LILRA4: variants seen among roughly 807,000 people sequenced by gnomAD.
LILRA4 encodes the protein leukocyte immunoglobulin-like receptor subfamily A member 4.
In LILRA4, 51 loss-of-function variants were observed where a neutral mutation model predicts 49.5. The ratio of observed to expected loss-of-function variants is 1.03; its 90% CI spans 0.82 to 1.30. The LOEUF (loss-of-function observed/expected upper bound fraction) is 1.30. Among genes scored for constraint, LILRA4 ranks in the 50% most tolerant of loss-of-function variants. The pLI, the probability that LILRA4 is intolerant of heterozygous loss-of-function variation, is 0.00. For missense variants in LILRA4, 624 were observed against 625.6 expected (o/e 1.00, Z 0.03); for synonymous variants, 272 against 265.6 (o/e 1.02, Z -0.23).
At position 54,338,464 on chromosome 19, in the gene LILRA4, T is replaced by C. The variant is rs768409360; in HGVS notation, c.287A>G (p.Tyr96Cys). Residue 96 changes from tyrosine (Y) to cysteine (C), a missense_variant, in exon 3 of 8, where the codon TAT becomes TGT. Transcript: ENST00000291759. ...PSMMWEHAGR[Y>C]HCYYQSPAGW... Reference sequence around the variant, plus strand: ...TGCAGGGCTCTGATAGTAACAGTGATATCGCCCTGCATGTTCCCACATCAT... The same window carrying C: ...TGCAGGGCTCTGATAGTAACAGTGACATCGCCCTGCATGTTCCCACATCAT... The C allele has an allele frequency of 1.9e-6, 3 of 1,614,166 alleles. No individual in the cohort carries two copies. Among genetic ancestry groups the C allele is most frequent in the Admixed American group, 3.3e-5 (2 of 60,026 alleles).
Position 54,337,058 on chromosome 19 carries a change from T to G in LILRA4, c.1038A>C (p.Ser346=). ...SGEKVTLLCQ[S]WDPMFTFLLT... is the part of the protein sequence containing the mutation. Reference sequence around the variant, plus strand: ...GAAGGAAAGTGAACATCGGGTCCCATGACTGACACAGCAGGGTCACCTTCT... The same window carrying G: ...GAAGGAAAGTGAACATCGGGTCCCAGGACTGACACAGCAGGGTCACCTTCT... The change falls in exon 6 of 8, where the codon TCA becomes TCC. Residue 346 remains serine (S), a synonymous_variant. Transcript: ENST00000291759. The G allele has an allele frequency of 6.2e-7, 1 of 1,614,000 alleles. No individual in the cohort carries two copies. Among genetic ancestry groups the G allele is most frequent in the Non-Finnish European group, 8.5e-7 (1 of 1,179,954 alleles).
In LILRA4 at chr19:54,337,547, G is replaced by A. The variant is rs771406919; in HGVS notation, c.805C>T (p.Arg269Trp). The A allele has an allele frequency of 1.1e-5, 18 of 1,613,150 alleles. No individual in the cohort carries two copies. The highest frequency in any genetic ancestry group is 6.7e-5 in the East Asian group (3 of 44,884). The stretch of plus-strand genomic sequence containing the variant: ...TGGGAGAGCCCAGCCTGGGGCTGCC[G>A]GCCAGGGCGCTGGGGGAGGCCATCG... Reference protein sequence around the residue: ...GADGLPQRPGRQPQAGLSQAN... With the variant: ...GADGLPQRPGWQPQAGLSQAN... Residue 269 changes from arginine to tryptophan, a missense_variant, in exon 5 of 8, where the codon CGG becomes TGG. Physicochemically the swap from Arg to Trp is moderately radical, Grantham distance 101. Transcript: ENST00000291759.
At position 54,338,497 on chromosome 19, in the gene LILRA4, A is replaced by T. The variant is rs2081357478; in HGVS notation, c.254T>A (p.Ile85Asn). Residue 85 changes from isoleucine (I) to asparagine (N), a missense_variant, in exon 3 of 8, where the codon ATC becomes AAC. Coordinates refer to ENST00000291759, the MANE Select transcript of LILRA4 (RefSeq NM_012276.5). ...LESENKVKLS[I>N]PSMMWEHAGR... is the part of the protein sequence containing the mutation. The stretch of plus-strand genomic sequence containing the variant: ...TGCATGTTCCCACATCATGGATGGG[A>T]TGGAGAGTTTGACCTTGTTTTCAGA... 2 of 1,614,116 alleles carry T rather than the reference A, an allele frequency of 1.2e-6. No homozygotes were observed. The highest frequency in any genetic ancestry group is 8.5e-7 in the Non-Finnish European group (1 of 1,179,994).
At chr19:54,335,998 G>A (rs926365885) in intron 6 of LILRA4, 3 of 151,926 alleles carry the variant, frequency 2.0e-5, no homozygotes, top group African/African-American at 7.3e-5. Context: ...ATAAACATCA[G>A]CCCCAGCATC....
chr19:54,337,386 G>T lies in LILRA4; in HGVS notation c.952+14C>A, dbSNP rs375423203. Reference sequence around the variant, plus strand: ...AGCCTGGGTCCCCCTGACTGAACCCGCTGGGCTCCTCACCTGCGATCAGGA... The same window carrying T: ...AGCCTGGGTCCCCCTGACTGAACCCTCTGGGCTCCTCACCTGCGATCAGGA... On this transcript the variant is annotated intron_variant, in intron 5 of 7. Transcript: ENST00000291759. 13 of 1,610,222 alleles carry T rather than the reference G, an allele frequency of 8.1e-6. No homozygotes were observed. The highest frequency in any genetic ancestry group is 5.5e-5 in the South Asian group (5 of 90,934).
chr19:54,336,818 G>A (rs2081327649), intron 6 of LILRA4, 23 bp downstream of exon 6: 1 of 1,613,130 alleles, frequency 6.2e-7, no homozygotes, highest in East Asian at 2.2e-5. Context: ...TGAGCTCAGA[G>A]TGGACAGGGT....
At position 54,333,497 on chromosome 19, in the gene LILRA4, T is replaced by C; in HGVS notation, c.*75A>G. On this transcript the variant is annotated 3_prime_UTR_variant, in exon 8 of 8. Coordinates refer to ENST00000291759, the MANE Select transcript of LILRA4 (RefSeq NM_012276.5). ...CAGACATCTTCCTGCACCTGACCCA[T>C]GCTTCTTCCCCTTGATATTCTCAGC... 6.9e-7 allele frequency: 1 copy of C among 1,448,356 alleles called. No individual in the cohort carries two copies. The highest frequency in any genetic ancestry group is 9.6e-7 in the Non-Finnish European group (1 of 1,036,962). 89.7% of individuals were successfully genotyped at this position (1,448,356 alleles called of 1,614,324 possible).
intron 6 of LILRA4, chr19:54,336,577 G>T: frequency 1.7e-6 from 1 of 605,486 alleles, no homozygotes; most frequent in Non-Finnish European, 2.8e-6. Context: ...TCGGTGGGAG[G>T]TTCCCATGTA....
rs2081298115 is a variant in LILRA4, at chr19:54,333,960, T to G, written c.1261A>C (p.Thr421Pro). The change falls in exon 7 of 8, where the codon ACT (threonine) becomes CCT (proline). Residue 421 changes from threonine to proline, a missense_variant. Transcript: ENST00000291759. ...TTTTGTGCTGGATTGAGGGTCTCAG[T>G]TGCTCCTAAGAATCAAAGAATAAGG... The part of the protein sequence containing the change: ...EPLELVVSGA[T>P]ETLNPAQKKS... 6.2e-7 allele frequency: 1 copy of G among 1,613,902 alleles called. No homozygotes were observed. Among genetic ancestry groups the G allele is most frequent in the Middle Eastern group, 1.6e-4 (1 of 6,062 alleles).
At chr19:54,336,709 A>G in intron 6 of LILRA4, 132 bp downstream of exon 6, 4 of 1,388,700 alleles carry the variant, frequency 2.9e-6, no homozygotes, top group Non-Finnish European at 2.9e-6. Context: ...CAGGGCTCAC[A>G]AAGGCCGGGG....
intron 6 of LILRA4, chr19:54,335,900 A>G (rs2081318378): frequency 6.6e-6 from 1 of 152,228 alleles, no homozygotes; most frequent in Non-Finnish European, 1.5e-5. Flanking sequence ...TATATATGTA[A>G]CTACGTATAT....
chr19:54,335,094 T>C (rs1309107297), intron 6 of LILRA4: 1 of 152,210 alleles, frequency 6.6e-6, no homozygotes, highest in Admixed American at 6.5e-5. Flanking sequence ...TGTCTATATA[T>C]GTACATAGCA....
rs1469048318 is a variant in LILRA4 at position 54,333,210 on chromosome 19, T to G, written c.*362A>C. On this transcript the variant is annotated 3_prime_UTR_variant, in exon 8 of 8. Coordinates refer to ENST00000291759, the MANE Select transcript of LILRA4 (RefSeq NM_012276.5). ...TGATTTTTGCCCATGGATTTAATTA[T>G]CAAAAGCAAATTCCATGTTATGAGC... 8.4e-6 allele frequency: 2 copies of G among 236,824 alleles called. No homozygotes were observed. Among genetic ancestry groups the G allele is most frequent in the Non-Finnish European group, 1.6e-5 (2 of 124,838 alleles). The allele number at this position is 236,824 out of a possible 1,614,324, so 14.7% of individuals were successfully genotyped here.
rs779120853 is a variant in LILRA4, at chr19:54,337,529, G to T, written c.823C>A (p.Leu275Ile). The T allele has an allele frequency of 1.2e-6, 2 of 1,613,070 alleles. No individual in the cohort carries two copies. Among genetic ancestry groups the T allele is most frequent in the Non-Finnish European group, 1.7e-6 (2 of 1,179,894 alleles). Reference protein sequence around the residue: ...QRPGRQPQAGLSQANFTLSPV... With the variant: ...QRPGRQPQAGISQANFTLSPV... ...CTCAGGGTGAAGTTGGCCTGGGAGAGCCCAGCCTGGGGCTGCCGGCCAGGG... is the reference window on the plus strand; with the variant it reads ...CTCAGGGTGAAGTTGGCCTGGGAGATCCCAGCCTGGGGCTGCCGGCCAGGG... Residue 275 changes from leucine to isoleucine, a missense_variant, in exon 5 of 8, where the codon CTC becomes ATC. Transcript: ENST00000291759.
chr19:54,333,802 G>A (rs762536213), intron 7 of LILRA4, 37 bp from the exon 8 acceptor site: 2 of 1,613,412 alleles, frequency 1.2e-6, no homozygotes, highest in South Asian at 2.2e-5. Flanking sequence ...AGAGGTCAGG[G>A]CAGATCACAA....
chr19:54,338,986 T>C (rs1443416214), intron 1 of LILRA4, 74 bp downstream of exon 1: 3 of 1,612,778 alleles, frequency 1.9e-6, no homozygotes, highest in South Asian at 1.1e-5. Context: ...GATGCCCTAA[T>C]TGACTAAGGC....
rs1569165995 is a variant in LILRA4 at position 54,337,507 on chromosome 19, AG to A, written c.844del (p.Leu282Ter). 1 of 1,612,758 alleles carries A rather than the reference AG, an allele frequency of 6.2e-7. No homozygotes were observed. On this transcript the variant is annotated frameshift_variant, in exon 5 of 8. Coordinates refer to ENST00000291759, the MANE Select transcript of LILRA4 (RefSeq NM_012276.5). LOFTEE classifies it high-confidence loss of function. ...QAGLSQANFT[L>X]SPVSRSYGGQ... ...CCCGTAGGAGCGGCTCACAGGGCTCAGGGTGAAGTTGGCCTGGGAGAGCCCA... is the reference window on the plus strand; with the variant it reads ...CCCGTAGGAGCGGCTCACAGGGCTCAGGTGAAGTTGGCCTGGGAGAGCCCA...
At chr19:54,334,624 T>C (rs7257994) in intron 6 of LILRA4, 26,101 of 151,988 alleles carry the variant, frequency 0.17, 2,489 homozygotes, top group Admixed American at 0.23. Context: ...GAACCTAGAT[T>C]GGAAGGTGAA....
rs2081332334 is a variant in LILRA4, at chr19:54,337,076, C to CACG, written c.1019_1020insCGT (p.Val340dup). 1 of 1,613,944 alleles carries CACG rather than the reference C, an allele frequency of 6.2e-7. No individual in the cohort carries two copies. Among genetic ancestry groups the CACG allele is most frequent in the South Asian group, 1.1e-5 (1 of 91,084 alleles). On this transcript the variant is annotated inframe_insertion, in exon 6 of 8. Transcript: ENST00000291759. ...GGTCCCATGACTGACACAGCAGGGT[C>CACG]ACCTTCTCTCCTGAGGTCACCGTGG...
Sources: allele counts gnomAD v4.1 joint callset, GRCh38; gene constraint gnomAD v4.1.1; transcripts MANE v1.5; gene names NCBI Gene and HGNC (gene_info 2026-07-23, HGNC 2026-07-21).